CFI: variants seen among roughly 807,000 people sequenced by gnomAD.
CFI encodes the protein C3B/C4B inactivator.
CFI carries 66 observed loss-of-function variants against 78.8 expected under a neutral mutation model. That is an observed-to-expected ratio of 0.84 (90% CI 0.69 to 1.03). The LOEUF is 1.03. CFI is among the 50% of genes least tolerant of loss of function. CFI has a pLI of 0.00. For missense variants in CFI, 706 were observed against 704.5 expected, an observed-to-expected ratio of 1.00 and a Z score of -0.02; for synonymous variants, 250 against 232.6, an observed-to-expected ratio of 1.07 and a Z score of -0.68.
At chr4:109,756,002 TGAA>T (rs1726083987) in intron 7 of CFI, among the ~76,000 whole-genome samples, 1 of 151,846 alleles carries the variant, frequency 6.6e-6, no homozygotes. Flanking sequence ...TAATGAGTTG[TGAA>T]AAGAAAAAAA....
intron 1 of CFI, among the ~76,000 whole-genome samples, chr4:109,781,335 A>G (rs1020675093): frequency 1.3e-4 from 20 of 152,136 alleles, no homozygotes; most frequent in African/African-American, 4.6e-4. Flanking sequence ...GAGATACTAC[A>G]ACTGACACCA....
intron 1 of CFI, among the ~76,000 whole-genome samples, chr4:109,784,294 C>T (rs1171806231): frequency 2.0e-5 from 3 of 152,056 alleles, no homozygotes; most frequent in Non-Finnish European, 4.4e-5. Context: ...AGCCTAATTA[C>T]ATTCAAGAAA....
At chr4:109,745,219 G>A (rs1468912932) in intron 11 of CFI, among the ~76,000 whole-genome samples, 1 of 152,108 alleles carries the variant, frequency 6.6e-6, no homozygotes, top group Admixed American at 6.5e-5. Flanking sequence ...GTCTCGCTCT[G>A]TCACTCAGGC....
downstream of CFI, among the ~76,000 whole-genome samples, chr4:109,739,153 T>C (rs967589035): frequency 5.9e-5 from 9 of 152,118 alleles, no homozygotes; most frequent in African/African-American, 2.2e-4. Flanking sequence ...GGAATATATG[T>C]AAAAATGGGT....
chr4:109,767,662 G>C (rs1375917309), intron 1 of CFI, among the ~76,000 whole-genome samples: 2 of 149,176 alleles, frequency 1.3e-5, no homozygotes, highest in Non-Finnish European at 3.0e-5. Flanking sequence ...GGAGCAATAG[G>C]AACACTTTTA....
intron 1 of CFI, chr4:109,793,532 A>T (rs1731643406): frequency 6.6e-6 from 1 of 152,126 alleles, no homozygotes; most frequent in Non-Finnish European, 1.5e-5. Flanking sequence ...CTTTATTTTA[A>T]TTTAATTTTA....
the CFI span, among the ~76,000 whole-genome samples, chr4:109,732,966 T>A: frequency 2.7e-5 from 4 of 149,770 alleles, no homozygotes; most frequent in African/African-American, 9.7e-5. Context: ...CATGCTCTGA[T>A]TTACCATATC....
chr4:109,753,345 TTTA>T (rs1163898829), intron 7 of CFI, among the ~76,000 whole-genome samples: 88 of 4,246 alleles, frequency 0.021, 23 homozygotes, highest in African/African-American at 0.021. Flanking sequence ...ATAATATATA[TTTA>T]TTATATAATA....
At chr4:109,759,224 T>C (rs1227014442) in intron 6 of CFI, among the ~76,000 whole-genome samples, 1 of 151,318 alleles carries the variant, frequency 6.6e-6, no homozygotes, top group Non-Finnish European at 1.5e-5. Context: ...AGAATAGACG[T>C]ATACTATAGG....
At chr4:109,785,486 AATTT>A (rs1353958941) in intron 1 of CFI, among the ~76,000 whole-genome samples, 13 of 152,006 alleles carry the variant, frequency 8.6e-5, no homozygotes, top group African/African-American at 2.7e-4. Context: ...CATATTCAGA[AATTT>A]ATTTACTTAT....
At chr4:109,796,213 A>AAT (rs1273054087) in intron 1 of CFI, among the ~76,000 whole-genome samples, 2 of 152,118 alleles carry the variant, frequency 1.3e-5, no homozygotes, top group Non-Finnish European at 2.9e-5. Flanking sequence ...AGAGTGGGAT[A>AAT]ATATATTCAA....
chr4:109,782,925 C>T lies in CFI; in HGVS notation c.58-16101G>A, dbSNP rs115481085. On this transcript the variant is annotated intron_variant, in intron 1 of 12. Coordinates refer to ENST00000394634, the MANE Select transcript of CFI (RefSeq NM_000204.5). The stretch of plus-strand genomic sequence containing the variant: ...CAAAGCAAGCAAAAACATAAAGTGG[C>T]GAAAGGACACCCTTTTCAACAAATG... Among the ~76,000 whole-genome samples the T allele has an allele frequency of 5.6e-3, 853 of 151,910 alleles. 6 individuals are homozygous for T. Among genetic ancestry groups the T allele is most frequent in the Non-Finnish European group, 7.7e-3 (523 of 67,866 alleles).
chr4:109,737,082 C>T (rs2126174710), downstream of CFI, among the ~76,000 whole-genome samples: 1 of 152,138 alleles, frequency 6.6e-6, no homozygotes, highest in South Asian at 2.1e-4. Flanking sequence ...TAGTTTCTAC[C>T]TTCATTATTT....
intron 1 of CFI, among the ~76,000 whole-genome samples, chr4:109,777,963 T>A (rs1729489054): frequency 6.6e-6 from 1 of 152,074 alleles, no homozygotes; most frequent in African/African-American, 2.4e-5. Flanking sequence ...TACCAGAATC[T>A]CTGGGACACA....
chr4:109,797,728 T>C lies in CFI; in HGVS notation c.57+4187A>G, dbSNP rs149797304. On this transcript the variant is annotated intron_variant, in intron 1 of 12. Transcript: ENST00000394634. ...TACAAATCAAAAGCCAAGAACCAAA[T>C]AGTCTACTTTAAAAAGTGGACAAAG... Among the ~76,000 whole-genome samples, 469 of 152,274 alleles carry C rather than the reference T, an allele frequency of 3.1e-3. 7 individuals are homozygous for C. Among genetic ancestry groups the C allele is most frequent in the African/African-American group, 0.011 (449 of 41,566 alleles).
intron 1 of CFI, among the ~76,000 whole-genome samples, chr4:109,774,535 C>A (rs1047689764): frequency 6.6e-6 from 1 of 152,066 alleles, no homozygotes; most frequent in Non-Finnish European, 1.5e-5. Context: ...GAATAAGTAA[C>A]AGGGGGAATA....
intron 7 of CFI, among the ~76,000 whole-genome samples, chr4:109,756,949 GAAAGA>G (rs1561297935): frequency 7.0e-6 from 1 of 142,542 alleles, no homozygotes; most frequent in Non-Finnish European, 1.5e-5. Flanking sequence ...AAGAAAGAAA[GAAAGA>G]AAGAAAGAAA....
In CFI at chr4:109,766,834, G is replaced by C; in HGVS notation, c.58-10C>G. On this transcript the variant is annotated splice_polypyrimidine_tract_variant and intron_variant, in intron 1 of 12. Coordinates refer to ENST00000394634, the MANE Select transcript of CFI (RefSeq NM_000204.5). ...GAGATGTATAAGTGACCTGTAAAAT[G>C]CAAAATAAACATTAACTTAGCAACA... is the stretch of plus-strand genomic sequence containing the variant. The C allele has an allele frequency of 6.2e-7, 1 of 1,613,828 alleles. No homozygotes were observed. Among genetic ancestry groups the C allele is most frequent in the Non-Finnish European group, 8.5e-7 (1 of 1,179,936 alleles).
Position 109,766,579 on chromosome 4 carries a change from T to C in CFI, c.303A>G (p.Leu101=), listed in dbSNP as rs765112392. The C allele has an allele frequency of 1.9e-6, 3 of 1,614,132 alleles. No individual in the cohort carries two copies. The highest frequency in any genetic ancestry group is 2.7e-5 in the African/African-American group (2 of 74,958). The change falls in exon 2 of 13, where the codon TTA becomes TTG. Residue 101 remains leucine, a synonymous_variant. Coordinates refer to ENST00000394634, the MANE Select transcript of CFI (RefSeq NM_000204.5). ...CTTCGGCTGTGCATGTTCCGTTATT[T>C]AAAAACTTTGTCCCTGGATGAAGAC... ...LECLHPGTKF[L]NNGTCTAEGK...
Sources: gnomAD v4.1 joint callset for allele counts (sites outside exome capture counted in the v4.1 genomes callset) on GRCh38, gnomAD v4.1.1 for gene constraint, MANE v1.5 for transcripts, NCBI Gene and HGNC (gene_info 2026-07-23, HGNC 2026-07-21) for gene names.